Variants in SCFD1 observed in about 807,000 individuals in gnomAD.
SCFD1 encodes the protein sec1 family domain containing 1, also known as sec1 family domain-containing protein 1.
Under a neutral mutation model 103.2 loss-of-function variants are expected in SCFD1, and 37 were observed. The ratio of observed to expected loss-of-function variants is 0.36; its 90% CI spans 0.28 to 0.47. SCFD1 has a LOEUF of 0.47. Ranked by LOEUF, SCFD1 falls within the 20% of genes least tolerant of loss-of-function variation. The pLI, the probability that SCFD1 is intolerant of heterozygous loss-of-function variation, is 1.00. For missense variants in SCFD1, 639 were observed against 761.2 expected, an observed-to-expected ratio of 0.84 and a Z score of 1.89; for synonymous variants, 264 against 245.0, an observed-to-expected ratio of 1.08 and a Z score of -0.73.
intron 5 of SCFD1, 108 bp downstream of exon 5, chr14:30,638,355 G>C (rs1452310707): frequency 1.3e-6 from 2 of 1,483,948 alleles, no homozygotes; most frequent in Non-Finnish European, 1.8e-6. Flanking sequence ...CAGAACAACA[G>C]AATTGTTTAG....
chr14:30,693,576 G>A lies in SCFD1; in HGVS notation c.1243-1197G>A, dbSNP rs536951425. The stretch of plus-strand genomic sequence containing the variant: ...GTGCCTTGGCATGATCTGTTTAACT[G>A]AAATGAACTATATCTATGTCCCTAA... On this transcript the variant is annotated intron_variant, in intron 14 of 24. Coordinates refer to ENST00000458591, the MANE Select transcript of SCFD1 (RefSeq NM_016106.4). Among the ~76,000 whole-genome samples, 63 of 152,230 alleles carry A rather than the reference G, an allele frequency of 4.1e-4. 3 individuals carry two copies. In the South Asian group the frequency reaches 0.013, roughly 31 times the overall value.
At chr14:30,734,370 C>CT (rs888715219) in intron 23 of SCFD1, 5 of 183,580 alleles carry the variant, frequency 2.7e-5, no homozygotes, top group African/African-American at 1.2e-4. Context: ...TCAAGTGAGA[C>CT]TAAAAGCACA....
intron 23 of SCFD1, among the ~76,000 whole-genome samples, chr14:30,732,441 A>G (rs891540088): frequency 3.9e-5 from 6 of 152,210 alleles, no homozygotes; most frequent in Non-Finnish European, 4.4e-5. Flanking sequence ...TAGATCCATT[A>G]AATTTTTAGT....
chr14:30,669,945 G>A (rs1209785646), intron 10 of SCFD1: 2 of 223,790 alleles, frequency 8.9e-6, no homozygotes, highest in East Asian at 1.4e-4. Context: ...CATGTACCCT[G>A]TAATCCCATT....
Position 30,705,881 on chromosome 14 carries a change from A to G in SCFD1, c.1549A>G (p.Met517Val), listed in dbSNP as rs1458578423. 3.1e-6 allele frequency: 5 copies of G among 1,609,648 alleles called. No homozygotes were observed. The highest frequency in any genetic ancestry group is 4.3e-6 in the Non-Finnish European group (5 of 1,176,342). ...CTATGGCAGCACTACCACTAAACCA[A>G]TGGGGTAAGTATTTTTAATAATTCT... The part of the protein sequence containing the change: ...ASYGSTTTKP[M>V]GLLSRVMNTG... The change falls in exon 18 of 25, where the codon ATG (methionine) becomes GTG (valine). Residue 517 changes from methionine (M) to valine (V), a missense_variant. Transcript: ENST00000458591.
chr14:30,700,194 C>G lies in SCFD1; in HGVS notation c.1346C>G (p.Thr449Ser), dbSNP rs1890984873. 12 of 1,608,552 alleles carry G rather than the reference C, an allele frequency of 7.5e-6. No homozygotes were observed. Among genetic ancestry groups the G allele is most frequent in the Non-Finnish European group, 9.4e-6 (11 of 1,175,362 alleles). The change falls in exon 16 of 25, where the codon ACT (threonine) becomes AGT (serine). Residue 449 changes from threonine (T) to serine (S), a missense_variant. Thr to Ser is a moderately conservative substitution (Grantham distance 58). Transcript: ENST00000458591. ...LDIISDPDAG[T>S]PEDKMRLFLI... ...CCTCTTTTCCCCTATGCAGCAGGAA[C>G]TCCAGAAGATAAAATGAGGTTGTTT...
chr14:30,646,769 G>A (rs1181938452), intron 7 of SCFD1, among the ~76,000 whole-genome samples: 12 of 152,142 alleles, frequency 7.9e-5, no homozygotes, highest in Admixed American at 7.9e-4. Flanking sequence ...CTGGTTCATA[G>A]ATTTTTTATT....
intron 6 of SCFD1, among the ~76,000 whole-genome samples, chr14:30,642,421 A>G (rs1361202636): frequency 6.6e-6 from 1 of 152,130 alleles, no homozygotes; most frequent in Non-Finnish European, 1.5e-5. Context: ...AATTATTCAT[A>G]TCCATACAGA....
intron 24 of SCFD1, 133 bp downstream of exon 24, chr14:30,734,991 A>G (rs993214567): frequency 6.2e-6 from 4 of 645,478 alleles, no homozygotes; most frequent in African/African-American, 1.8e-5. Context: ...ATACCAAGAT[A>G]AGGTGTTTTC....
At chr14:30,647,518 G>A (rs571591270) in intron 7 of SCFD1, among the ~76,000 whole-genome samples, 1 of 152,144 alleles carries the variant, frequency 6.6e-6, no homozygotes, top group African/African-American at 2.4e-5. Context: ...ATTACCTTAT[G>A]TGATTCTCTT....
intron 21 of SCFD1, among the ~76,000 whole-genome samples, chr14:30,719,907 G>T (rs931684272): frequency 2.1e-5 from 3 of 146,336 alleles, no homozygotes; most frequent in African/African-American, 7.6e-5. Flanking sequence ...TTAATTAGCG[G>T]TGGTATGACA....
intron 1 of SCFD1, among the ~76,000 whole-genome samples, chr14:30,625,073 T>A (rs1416899582): frequency 6.6e-6 from 1 of 152,174 alleles, no homozygotes; most frequent in East Asian, 1.9e-4. Context: ...ACATACCATA[T>A]GTTTTACTTT....
chr14:30,622,296 C>A (rs775049769), upstream of SCFD1: 2 of 1,593,170 alleles, frequency 1.3e-6, no homozygotes. Context: ...ACGTCATCCC[C>A]CCGCTCCGCT....
chr14:30,700,933 T>C (rs953691618), intron 16 of SCFD1, among the ~76,000 whole-genome samples: 6 of 152,236 alleles, frequency 3.9e-5, no homozygotes, highest in Admixed American at 2.0e-4. Context: ...AAAACTAATG[T>C]CCAATGTAGA....
intron 21 of SCFD1, among the ~76,000 whole-genome samples, chr14:30,721,348 T>C (rs1413941212): frequency 6.6e-6 from 1 of 152,130 alleles, no homozygotes; most frequent in Non-Finnish European, 1.5e-5. Context: ...GCAAAAGCTT[T>C]GAAAAATGTC....
At chr14:30,692,746 T>G (rs1006850844) in intron 14 of SCFD1, among the ~76,000 whole-genome samples, 8 of 152,190 alleles carry the variant, frequency 5.3e-5, no homozygotes, top group Admixed American at 3.3e-4. Flanking sequence ...AACAGCTTAT[T>G]TTAGCACCTT....
At chr14:30,622,649 G>C (rs761058326) in intron 1 of SCFD1, among the ~76,000 whole-genome samples, 1 of 152,164 alleles carries the variant, frequency 6.6e-6, no homozygotes, top group Non-Finnish European at 1.5e-5. Flanking sequence ...CTCCTTCCTA[G>C]TGGGCATCAG....
chr14:30,641,371 G>A (rs180682286), intron 6 of SCFD1, among the ~76,000 whole-genome samples: 4 of 152,242 alleles, frequency 2.6e-5, no homozygotes, highest in Admixed American at 2.6e-4. Context: ...TGAGGTTATT[G>A]ATTAGCAGTT....
At chr14:30,733,672 C>A (rs1893639635) in intron 23 of SCFD1, among the ~76,000 whole-genome samples, 1 of 152,178 alleles carries the variant, frequency 6.6e-6, no homozygotes, top group Non-Finnish European at 1.5e-5. Flanking sequence ...CAGGGGGCAA[C>A]CTTGGGCTGG....
Sources: allele counts gnomAD v4.1 joint callset (sites outside exome capture counted in the v4.1 genomes callset), GRCh38; gene constraint gnomAD v4.1.1; transcripts MANE v1.5; gene names NCBI Gene and HGNC (gene_info 2026-07-23, HGNC 2026-07-21).